SNAP91: variants seen among roughly 807,000 people sequenced by gnomAD.
SNAP91 encodes the protein clathrin coat assembly protein AP180.
In SNAP91, 27 loss-of-function variants were observed where a neutral mutation model predicts 100.3. The ratio of observed to expected loss-of-function variants is 0.27; its 90% CI spans 0.20 to 0.37. The LOEUF is 0.37. Among genes scored for constraint, SNAP91 ranks in the 10% least tolerant of loss-of-function variants. The pLI, the probability that SNAP91 is intolerant of heterozygous loss-of-function variation, is 1.00. For missense variants in SNAP91, 986 were observed against 1,123.7 expected (o/e 0.88, Z 1.75); for synonymous variants, 404 against 398.6 (o/e 1.01, Z -0.16).
chr6:83,567,472 A>G (rs1409196575), intron 26 of SNAP91, among the ~76,000 whole-genome samples: 1 of 152,236 alleles, frequency 6.6e-6, no homozygotes, highest in Non-Finnish European at 1.5e-5. Context: ...CACCAAAAGC[A>G]ATGGCAACAA....
chr6:83,581,904 A>C (rs1829032268), intron 23 of SNAP91, among the ~76,000 whole-genome samples: 1 of 152,220 alleles, frequency 6.6e-6, no homozygotes, highest in Non-Finnish European at 1.5e-5. Flanking sequence ...ATTTAGTACA[A>C]AGTATCTGTT....
intron 6 of SNAP91, among the ~76,000 whole-genome samples, chr6:83,657,314 A>T (rs1020320649): frequency 2.6e-5 from 4 of 152,088 alleles, no homozygotes; most frequent in Admixed American, 6.5e-5. Flanking sequence ...AACTCTAGAG[A>T]CTCATAACTG....
At chr6:83,606,539 A>C (rs1419899013) in intron 13 of SNAP91, among the ~76,000 whole-genome samples, 1 of 152,168 alleles carries the variant, frequency 6.6e-6, no homozygotes, top group African/African-American at 2.4e-5. Context: ...TGTATCTACC[A>C]CCTCAGAATC....
chr6:83,612,265 C>G (rs2096170786), intron 11 of SNAP91, among the ~76,000 whole-genome samples: 1 of 152,058 alleles, frequency 6.6e-6, no homozygotes, highest in African/African-American at 2.4e-5. Flanking sequence ...GTCAAAGGGT[C>G]TACTGAAATA....
chr6:83,605,767 C>T lies in SNAP91; in HGVS notation c.1059G>A (p.Gln353=). The stretch of plus-strand genomic sequence containing the variant: ...CTGCCCCTCCAGAGGAAAAGTCTGG[C>T]TGGAGGTCCAGGAGATCACTAGATG... ...SKPSSDLLDL[Q]PDFSSGGAAA... is the part of the protein sequence containing the mutation. The change falls in exon 14 of 30, where the codon CAG becomes CAA. Residue 353 remains glutamine, a synonymous_variant. Transcript: ENST00000369694. 6.4e-7 allele frequency: 1 copy of T among 1,553,136 alleles called. No homozygotes were observed. The highest frequency in any genetic ancestry group is 8.7e-7 in the Non-Finnish European group (1 of 1,147,854).
At position 83,575,110 on chromosome 6, in the gene SNAP91, T is replaced by C; in HGVS notation, c.2342A>G (p.Gln781Arg). The C allele has an allele frequency of 6.2e-7, 1 of 1,604,740 alleles. No individual in the cohort carries two copies. The highest frequency in any genetic ancestry group is 1.1e-5 in the South Asian group (1 of 89,392). The change falls in exon 26 of 30, where the codon CAG (glutamine) becomes CGG (arginine). Residue 781 changes from glutamine (Q) to arginine (R), a missense_variant. Transcript: ENST00000369694. ...CAACTTTTTCTCTCCAGCATTCCAC[T>C]GAAGATCTCCCCTAAAATTAACCAT... ...SGTTTKKGDL[Q>R]WNAGEKKLTG...
intron 3 of SNAP91, among the ~76,000 whole-genome samples, chr6:83,665,118 A>G (rs1299794934): frequency 1.3e-5 from 2 of 152,156 alleles, no homozygotes; most frequent in African/African-American, 4.8e-5. Context: ...TGTAACTTTT[A>G]CATGCACTGG....
chr6:83,615,601 G>C (rs1426362441), intron 10 of SNAP91, among the ~76,000 whole-genome samples: 1 of 152,104 alleles, frequency 6.6e-6, no homozygotes, highest in Non-Finnish European at 1.5e-5. Flanking sequence ...GGCAGAGCCT[G>C]GACTGTGGAA....
At position 83,555,205 on chromosome 6, in the gene SNAP91, A is replaced by C. The variant is rs572068016; in HGVS notation, c.*11-920T>G. Among the ~76,000 whole-genome samples the C allele has an allele frequency of 3.7e-4, 55 of 148,886 alleles. No individual in the cohort carries two copies. The South Asian group carries it at 0.012, about 31-fold the overall frequency. Reference sequence around the variant, plus strand: ...AGATGTTAATACCTTAGAATAATGCATCATTAATCTTGTATAAGAAAAAAA... The same window carrying C: ...AGATGTTAATACCTTAGAATAATGCCTCATTAATCTTGTATAAGAAAAAAA... On this transcript the variant is annotated intron_variant, in intron 29 of 29. Coordinates refer to ENST00000369694, the MANE Select transcript of SNAP91 (RefSeq NM_001242792.2).
chr6:83,582,281 A>C lies in SNAP91; in HGVS notation c.2090T>G (p.Phe697Cys). Residue 697 changes from phenylalanine (F) to cysteine (C), a missense_variant, in exon 23 of 30, where the codon TTT becomes TGT. Transcript: ENST00000369694. ...AGGCGTTGTCCCAAAAGCTGCCTCAAAATTGGGCTGTAGCAGGTTATTCTG... is the reference window on the plus strand; with the variant it reads ...AGGCGTTGTCCCAAAAGCTGCCTCACAATTGGGCTGTAGCAGGTTATTCTG... ...PAQNNLLQPN[F>C]EAAFGTTPST... The C allele has an allele frequency of 1.2e-6, 2 of 1,613,792 alleles. No homozygotes were observed. The highest frequency in any genetic ancestry group is 1.7e-6 in the Non-Finnish European group (2 of 1,179,780).
At chr6:83,702,919 C>T (rs528333052) in intron 2 of SNAP91, among the ~76,000 whole-genome samples, 3 of 152,306 alleles carry the variant, frequency 2.0e-5, no homozygotes, top group South Asian at 2.1e-4. Context: ...GCTTCCCCTG[C>T]TCCTGCCAAC....
chr6:83,596,958 T>C (rs1011216740), intron 16 of SNAP91, among the ~76,000 whole-genome samples: 3 of 152,162 alleles, frequency 2.0e-5, no homozygotes, highest in African/African-American at 7.2e-5. Flanking sequence ...AGGGATCAAA[T>C]AGATATTTAT....
chr6:83,623,782 T>C (rs2096825854), intron 8 of SNAP91, among the ~76,000 whole-genome samples: 1 of 152,142 alleles, frequency 6.6e-6, no homozygotes, highest in African/African-American at 2.4e-5. Context: ...GTTAGTTTCT[T>C]ATGTATCCTT....
chr6:83,558,553 G>A (rs1253779564), intron 28 of SNAP91, among the ~76,000 whole-genome samples: 1 of 152,196 alleles, frequency 6.6e-6, no homozygotes, highest in Non-Finnish European at 1.5e-5. Flanking sequence ...TTGCTTTTGA[G>A]GGGCAAAGTG....
rs1366201425 is a variant in SNAP91, at chr6:83,616,996, G to A, written c.851C>T (p.Thr284Ile). 6.5e-7 allele frequency: 1 copy of A among 1,547,582 alleles called. No individual in the cohort carries two copies. Among genetic ancestry groups the A allele is most frequent in the Non-Finnish European group, 8.7e-7 (1 of 1,144,716 alleles). ...LMETLEQHLN[T>I]LEGKKPGNNE... ...GTTTCCAGGTTTCTTTCCTTCTAAT[G>A]TATTTAGATGCTGTTCAAGCGTCTC... The change falls in exon 10 of 30, where the codon ACA (threonine) becomes ATA (isoleucine). Residue 284 changes from threonine to isoleucine, a missense_variant. Physicochemically the swap from Thr to Ile is moderately conservative, Grantham distance 89. This residue lies in a region of SNAP91 where 330 missense variants were observed against 447.5 expected (regional missense o/e 0.74). Transcript: ENST00000369694.
rs2094502378 is a variant in SNAP91, at chr6:83,596,678, C to T, written c.1325-2197G>A. On this transcript the variant is annotated intron_variant, in intron 16 of 29. Coordinates refer to ENST00000369694, the MANE Select transcript of SNAP91 (RefSeq NM_001242792.2). ...GGTAATGCATCTATGTTGATTAGCT[C>T]AATTAGCCATTCCACAATGTATACA... is the stretch of plus-strand genomic sequence containing the variant. Among the ~76,000 whole-genome samples, 3 of 62,088 alleles carry T rather than the reference C, an allele frequency of 4.8e-5. No homozygotes were observed. The Admixed American group carries it at 5.3e-4, about 11-fold the overall frequency. The allele number at this position is 62,088 out of a possible 152,430, so 40.7% of individuals were successfully genotyped here. A position where few individuals can be genotyped will look rare whatever the true frequency, so the allele number is the denominator to read the frequency against.
chr6:83,645,816 A>G (rs1313063721), intron 7 of SNAP91, among the ~76,000 whole-genome samples: 1 of 152,154 alleles, frequency 6.6e-6, no homozygotes, highest in African/African-American at 2.4e-5. Flanking sequence ...GTGCCACTGC[A>G]CTCCAGTCTG....
intron 2 of SNAP91, among the ~76,000 whole-genome samples, chr6:83,693,138 A>T (rs1338289355): frequency 2.0e-5 from 3 of 152,226 alleles, no homozygotes; most frequent in African/African-American, 4.8e-5. Flanking sequence ...ACTATGTAAA[A>T]GAAAAAAGCA....
chr6:83,632,978 A>G (rs1562435489), intron 8 of SNAP91, among the ~76,000 whole-genome samples: 1 of 152,112 alleles, frequency 6.6e-6, no homozygotes, highest in Non-Finnish European at 1.5e-5. Flanking sequence ...ATATTATCAG[A>G]GTTGGTTTTC....
Sources: gnomAD v4.1 joint callset for allele counts (sites outside exome capture counted in the v4.1 genomes callset) on GRCh38, gnomAD v4.1.1 for gene constraint, gnomAD v4.1.1 regional missense constraint, MANE v1.5 for transcripts, NCBI Gene and HGNC (gene_info 2026-07-23, HGNC 2026-07-21) for gene names.